COL4A6: variants seen among roughly 807,000 people sequenced by gnomAD.
COL4A6 encodes the protein collagen alpha-6(IV) chain.
COL4A6 carries 59 observed loss-of-function variants against 126.7 expected under a neutral mutation model. The observed-to-expected ratio is 0.47, with a 90% confidence interval of 0.38 to 0.58. The LOEUF (loss-of-function observed/expected upper bound fraction) is 0.58, where lower values mean the gene tolerates loss of function less well. Ranked by LOEUF, COL4A6 falls within the 20% of genes least tolerant of loss-of-function variation. The pLI is 0.00. For missense variants in COL4A6, 1,285 were observed against 1,337.3 expected (o/e 0.96, Z 0.61); for synonymous variants, 547 against 496.6 (o/e 1.10, Z -1.35).
intron 3 of COL4A6, among the ~76,000 whole-genome samples, chrX:108,261,776 G>C (rs898620709): frequency 9.0e-6 from 1 of 111,613 alleles, no homozygotes; most frequent in Non-Finnish European, 1.9e-5. Context: ...AGAATTAAGA[G>C]TAAACATTCC....
rs112470703 is a variant in COL4A6, at chrX:108,346,379, GA to G, written c.64-35552del. ...CTAGTACTCTTAACTCCTCTGAAAT[GA>G]AAAAAAAAATACCGCCTTTCACAAA... On this transcript the variant is annotated intron_variant, in intron 2 of 44. Transcript: ENST00000334504. Among the ~76,000 whole-genome samples the G allele has an allele frequency of 4.7e-5, 5 of 107,398 alleles. No homozygotes were observed. The South Asian group carries it at 1.6e-3, about 35-fold the overall frequency. The allele number at this position is 107,398 out of a possible 115,157, so 93.3% of individuals were successfully genotyped here.
intron 2 of COL4A6, among the ~76,000 whole-genome samples, chrX:108,317,278 T>C (rs755605855): frequency 2.7e-5 from 3 of 112,231 alleles, no homozygotes; most frequent in East Asian, 2.8e-4. Context: ...AAGGATGCAA[T>C]TGCCATTTAT....
chrX:108,209,653 A>G (rs1490255809), intron 8 of COL4A6, among the ~76,000 whole-genome samples: 2 of 112,109 alleles, frequency 1.8e-5, no homozygotes, highest in East Asian at 5.6e-4. Context: ...ACAGCACTCG[A>G]CAAACAGAAA....
rs112946634 is a variant in COL4A6, at chrX:108,178,874, A to C, written c.2354-29T>G. On this transcript the variant is annotated intron_variant, in intron 26 of 44. Coordinates refer to ENST00000334504, the MANE Select transcript of COL4A6 (RefSeq NM_033641.4). ...ATAAAAGAAAAGGGCAAATGATCAC[A>C]GCCTGGAGAGATAGCAGTGAGTGGG... The C allele has an allele frequency of 2.7e-5, 32 of 1,183,872 alleles. 1 individual carries two copies. The highest frequency in any genetic ancestry group is 1.9e-4 in the African/African-American group (11 of 56,826).
At chrX:108,343,098 G>T (rs2039607363) in intron 2 of COL4A6, among the ~76,000 whole-genome samples, 2 of 92,697 alleles carry the variant, frequency 2.2e-5, no homozygotes, top group South Asian at 1.1e-3. Flanking sequence ...ATACTACAAA[G>T]GAAAGGAAAA....
intron 13 of COL4A6, among the ~76,000 whole-genome samples, chrX:108,198,760 C>T (rs2035298561): frequency 9.0e-6 from 1 of 111,384 alleles, no homozygotes; most frequent in Non-Finnish European, 1.9e-5. Flanking sequence ...TCCTGATGCT[C>T]TTTGGTTCTC....
At chrX:108,271,316 G>T (rs906410959) in intron 3 of COL4A6, among the ~76,000 whole-genome samples, 8 of 111,639 alleles carry the variant, frequency 7.2e-5, no homozygotes, top group Admixed American at 1.9e-4. Context: ...CAAGGGAGAG[G>T]GACAGTGGTA....
At chrX:108,297,718 C>T (rs190998044) in intron 3 of COL4A6, among the ~76,000 whole-genome samples, 34 of 111,158 alleles carry the variant, frequency 3.1e-4, no homozygotes, top group African/African-American at 1.1e-3. Context: ...GTTCTGGGTC[C>T]CTGTGGGCCC....
chrX:108,257,184 GGAAA>G (rs1429799630), intron 3 of COL4A6, among the ~76,000 whole-genome samples: 1 of 111,875 alleles, frequency 8.9e-6, no homozygotes, highest in Non-Finnish European at 1.9e-5. Flanking sequence ...CGGGTTTTGA[GGAAA>G]GAGATGGTTG....
At chrX:108,348,953 A>G (rs778088400) in intron 2 of COL4A6, among the ~76,000 whole-genome samples, 13 of 111,745 alleles carry the variant, frequency 1.2e-4, no homozygotes, top group Non-Finnish European at 2.4e-4. Context: ...GAGTCAGATC[A>G]CACCAGCTTG....
At chrX:108,355,975 T>C (rs749277299) in intron 2 of COL4A6, among the ~76,000 whole-genome samples, 1 of 111,093 alleles carries the variant, frequency 9.0e-6, no homozygotes, top group African/African-American at 3.3e-5. Flanking sequence ...ACACCTAAGA[T>C]TGACAGCTAG....
At chrX:108,357,501 G>A (rs1006916470) in intron 2 of COL4A6, among the ~76,000 whole-genome samples, 1 of 111,312 alleles carries the variant, frequency 9.0e-6, no homozygotes, top group African/African-American at 3.3e-5. Flanking sequence ...AGGTAAGACA[G>A]TGATAACACA....
At chrX:108,437,611 G>A (rs1384374736) in intron 2 of COL4A6, among the ~76,000 whole-genome samples, 2 of 111,775 alleles carry the variant, frequency 1.8e-5, no homozygotes, top group Non-Finnish European at 3.8e-5. Flanking sequence ...TTGAAGACCA[G>A]GGAAAATTAT....
intron 2 of COL4A6, among the ~76,000 whole-genome samples, chrX:108,354,581 A>C (rs751248870): frequency 6.5e-5 from 7 of 107,216 alleles, no homozygotes; most frequent in South Asian, 4.4e-4. Flanking sequence ...TTTTCCTTAG[A>C]ATGCAGTTTA....
In COL4A6 at chrX:108,438,167, CG is replaced by C. The variant is rs1358582876; in HGVS notation, c.11+18del. On this transcript the variant is annotated intron_variant, in intron 1 of 44. Coordinates refer to ENST00000334504, the MANE Select transcript of COL4A6 (RefSeq NM_033641.4). ...CGAAGTAAGAAAGAGGAGGGGAGCT[CG>C]GGGCAGCAACAGCTCACCCAGGGTG... is the stretch of plus-strand genomic sequence containing the variant. 3.3e-6 allele frequency: 4 copies of C among 1,207,612 alleles called. No homozygotes were observed. The highest frequency in any genetic ancestry group is 4.5e-6 in the Non-Finnish European group (4 of 893,653).
At chrX:108,317,709 C>G (rs1038035440) in intron 2 of COL4A6, among the ~76,000 whole-genome samples, 1 of 111,289 alleles carries the variant, frequency 9.0e-6, no homozygotes, top group Non-Finnish European at 1.9e-5. Flanking sequence ...GCTTGTTTTT[C>G]TCAGGTTTGT....
rs769251262 is a variant in COL4A6, at chrX:108,187,884, G to A, written c.1731C>T (p.Asp577=). 4.7e-5 allele frequency: 57 copies of A among 1,207,313 alleles called. No individual in the cohort carries two copies. The highest frequency in any genetic ancestry group is 3.7e-4 in the African/African-American group (21 of 56,870). ...FRGVIGEPGK[D]GVPGLPGLPG... ...GCAGACCTGGTAAACCTGGTACTCCGTCCTTGCCTGGTTCTCCTATTACAC... is the reference window on the plus strand; with the variant it reads ...GCAGACCTGGTAAACCTGGTACTCCATCCTTGCCTGGTTCTCCTATTACAC... The change falls in exon 22 of 45, where the codon GAC becomes GAT. Residue 577 remains aspartate, a synonymous_variant. Transcript: ENST00000334504.
At chrX:108,216,195 A>T (rs1310527475) in intron 5 of COL4A6, among the ~76,000 whole-genome samples, 1 of 111,974 alleles carries the variant, frequency 8.9e-6, no homozygotes, top group African/African-American at 3.2e-5. Context: ...TTTCAGGGAT[A>T]CCTGTTTACA....
At chrX:108,308,146 G>A (rs2038671461) in intron 3 of COL4A6, among the ~76,000 whole-genome samples, 1 of 111,615 alleles carries the variant, frequency 9.0e-6, no homozygotes, top group Non-Finnish European at 1.9e-5. Context: ...CCACTCAGAT[G>A]TTTTCAAAAG....
Sources: gnomAD v4.1 joint callset for allele counts (sites outside exome capture counted in the v4.1 genomes callset) on GRCh38, gnomAD v4.1.1 for gene constraint, MANE v1.5 for transcripts, NCBI Gene and HGNC (gene_info 2026-07-23, HGNC 2026-07-21) for gene names.